Variants in MAPK8IP3 observed in about 807,000 individuals in gnomAD.
MAPK8IP3 encodes C-Jun-amino-terminal kinase-interacting protein 3.
In MAPK8IP3, 49 loss-of-function variants were observed where a neutral mutation model predicts 157.8. The ratio of observed to expected loss-of-function variants is 0.31; its 90% confidence interval spans 0.25 to 0.39. The LOEUF (loss-of-function observed/expected upper bound fraction) is 0.39, where lower values mean the gene tolerates loss of function less well. Ranked by LOEUF, MAPK8IP3 falls within the 10% of genes least tolerant of loss-of-function variation. The probability of loss-of-function intolerance (pLI) is 1.00; values close to 1 mark genes in which losing one functional copy is unlikely to be tolerated. For missense variants in MAPK8IP3, 1,478 were observed against 1,889.4 expected (o/e 0.78, Z 4.04); for synonymous variants, 897 against 777.7 (o/e 1.15, Z -2.55).
Position 1,769,406 on chromosome 16 carries a change from C to A in MAPK8IP3, c.*582C>A, listed in dbSNP as rs908689579. ...GTCAAGCCTCTATCCTGTCTGTCCC[C>A]ACCCCAGCTGTCCCCTGCCCAGGGA... On this transcript the variant is annotated 3_prime_UTR_variant, in exon 32 of 32. Coordinates refer to ENST00000610761, the MANE Select transcript of MAPK8IP3 (RefSeq NM_001318852.2). The A allele has an allele frequency of 6.5e-6, 1 of 154,988 alleles. No individual in the cohort carries two copies. The highest frequency in any genetic ancestry group is 1.9e-4 in the East Asian group (1 of 5,196). The allele number at this position is 154,988 out of a possible 1,614,324, so 9.6% of individuals were successfully genotyped here.
chr16:1,710,300 TAAAGAAAAAAA>T lies in MAPK8IP3; in HGVS notation c.318+3657_318+3667del, dbSNP rs1017668464. On this transcript the variant is annotated intron_variant, in intron 1 of 31. Coordinates refer to ENST00000610761, the MANE Select transcript of MAPK8IP3 (RefSeq NM_001318852.2). This position sits in a 1 kb window ranked among gnomAD's most constrained non-coding sequence, Gnocchi z 4.1. ...GAACCTGGCGAAACCCTGTCTCTAC[TAAAGAAAAAAA>T]AAAGAAAAAAAAATTAGCCAGGTGT... Among the ~76,000 whole-genome samples, 5 of 149,816 alleles carry T rather than the reference TAAAGAAAAAAA, an allele frequency of 3.3e-5. No individual in the cohort carries two copies. The East Asian group carries it at 5.9e-4, about 18-fold the overall frequency.
chr16:1,710,299 CTAAAGAAAAAA>C lies in MAPK8IP3; in HGVS notation c.318+3643_318+3653del, dbSNP rs2037686529. On this transcript the variant is annotated intron_variant, in intron 1 of 31. Transcript: ENST00000610761. This position sits in a 1 kb window ranked among gnomAD's most constrained non-coding sequence, Gnocchi z 4.1. ...CGAACCTGGCGAAACCCTGTCTCTA[CTAAAGAAAAAA>C]AAAAGAAAAAAAAATTAGCCAGGTG... Among the ~76,000 whole-genome samples, 1 of 149,740 alleles carries C rather than the reference CTAAAGAAAAAA, an allele frequency of 6.7e-6. No homozygotes were observed. Among genetic ancestry groups the C allele is most frequent in the South Asian group, 2.1e-4 (1 of 4,730 alleles).
At chr16:1,736,993 T>A (rs1473473085) in intron 4 of MAPK8IP3, among the ~76,000 whole-genome samples, 1 of 76,696 alleles carries the variant, frequency 1.3e-5, no homozygotes, top group Non-Finnish European at 2.5e-5. Flanking sequence ...AGCATCCGTG[T>A]GAGCGTGTGA....
At position 1,751,075 on chromosome 16, in the gene MAPK8IP3, C is replaced by T. The variant is rs867481864; in HGVS notation, c.1216+2355C>T. 3.9e-5 allele frequency among the ~76,000 whole-genome samples: 6 copies of T among 152,340 alleles called. No individual in the cohort carries two copies. The highest frequency in any genetic ancestry group is 1.4e-4 in the African/African-American group (6 of 41,584). ...TTCTCATTGTGGGCGGTGTCATTTCCGTGGGTGGCAGCACTGACGGGCACG... is the reference window on the plus strand; with the variant it reads ...TTCTCATTGTGGGCGGTGTCATTTCTGTGGGTGGCAGCACTGACGGGCACG... On this transcript the variant is annotated intron_variant, in intron 8 of 31. Coordinates refer to ENST00000610761, the MANE Select transcript of MAPK8IP3 (RefSeq NM_001318852.2). This position sits in a 1 kb window ranked among gnomAD's most constrained non-coding sequence, Gnocchi z 5.0.
chr16:1,737,174 G>T (rs2040003407), intron 4 of MAPK8IP3, among the ~76,000 whole-genome samples: 1 of 92,982 alleles, frequency 1.1e-5, no homozygotes, highest in Non-Finnish European at 2.2e-5. Flanking sequence ...GCATCCGTGT[G>T]AGCGTGTGAC....
chr16:1,762,854 C>T lies in MAPK8IP3; in HGVS notation c.1746C>T (p.Ser582=). The part of the protein sequence containing the change: ...TIWQFFSRLF[S]SSSSPPPAKR... The stretch of plus-strand genomic sequence containing the variant: ...CTGGCAGCTTCAGCCGCCTCTTCAG[C>T]TCTTCCTCCAGCCCCCCTCCGGCCA... The change falls in exon 16 of 32, where the codon AGC becomes AGT. Residue 582 remains serine, a synonymous_variant. Transcript: ENST00000610761. The T allele has an allele frequency of 6.2e-7, 1 of 1,612,890 alleles. No individual in the cohort carries two copies. Among genetic ancestry groups the T allele is most frequent in the African/African-American group, 1.3e-5 (1 of 75,054 alleles).
chr16:1,706,294 C>G lies in MAPK8IP3; in HGVS notation c.-46C>G. The G allele has an allele frequency of 6.7e-7, 1 of 1,483,962 alleles. No homozygotes were observed. The highest frequency in any genetic ancestry group is 1.3e-5 in the South Asian group (1 of 76,416). 91.9% of individuals were successfully genotyped at this position (1,483,962 alleles called of 1,614,324 possible). A position where few individuals can be genotyped will look rare whatever the true frequency, so the allele number is the denominator to read the frequency against. On this transcript the variant is annotated 5_prime_UTR_variant, in exon 1 of 32. Transcript: ENST00000610761. This position sits in a 1 kb window ranked among gnomAD's most constrained non-coding sequence, Gnocchi z 5.1. ...CCTGAGGCAGCTGGGGAGGGCCGGG[C>G]GCGCCGGCCGGATAGCGAGCCGCGC... is the stretch of plus-strand genomic sequence containing the variant.
At chr16:1,715,518 C>G (rs1402659347) in intron 1 of MAPK8IP3, among the ~76,000 whole-genome samples, 1 of 152,310 alleles carries the variant, frequency 6.6e-6, no homozygotes, top group East Asian at 1.9e-4. Context: ...CGGCACCTGT[C>G]TGCCTGCTTA....
Position 1,768,161 on chromosome 16 carries a change from G to A in MAPK8IP3, c.3563-38G>A, listed in dbSNP as rs551989738. 33 of 1,611,964 alleles carry A rather than the reference G, an allele frequency of 2.0e-5. No individual in the cohort carries two copies. The South Asian group carries it at 3.2e-4, about 16-fold the overall frequency. On this transcript the variant is annotated intron_variant, in intron 29 of 31. Coordinates refer to ENST00000610761, the MANE Select transcript of MAPK8IP3 (RefSeq NM_001318852.2). ...CGGGAGCCTCTCCCACTCTCCACCT[G>A]TATGCGGGCTCAGCGCCTCTGGGTT...
rs1274925083 is a variant in MAPK8IP3, at chr16:1,724,527, G to A, written c.319-30G>A. On this transcript the variant is annotated intron_variant, in intron 1 of 31. Coordinates refer to ENST00000610761, the MANE Select transcript of MAPK8IP3 (RefSeq NM_001318852.2). The surrounding 1 kb of genome is among the most constrained non-coding windows in gnomAD (Gnocchi z 4.1). ...CGGCTGCTCCACACTCACTCCTGATGACTGCTCTTTCCCTCCCTTCCATGC... is the reference window on the plus strand; with the variant it reads ...CGGCTGCTCCACACTCACTCCTGATAACTGCTCTTTCCCTCCCTTCCATGC... 6.2e-7 allele frequency: 1 copy of A among 1,610,042 alleles called. No individual in the cohort carries two copies. The highest frequency in any genetic ancestry group is 8.5e-7 in the Non-Finnish European group (1 of 1,178,956).
chr16:1,712,849 C>G (rs562035726), intron 1 of MAPK8IP3, among the ~76,000 whole-genome samples: 31 of 152,356 alleles, frequency 2.0e-4, no homozygotes, highest in African/African-American at 7.5e-4. Flanking sequence ...AGAGAAGCCC[C>G]CATCACCCAC....
intron 1 of MAPK8IP3, among the ~76,000 whole-genome samples, chr16:1,709,191 C>T (rs966186037): frequency 7.9e-5 from 12 of 152,240 alleles, no homozygotes; most frequent in Admixed American, 6.5e-5. Context: ...TTCCCATCTT[C>T]TTGCCGGTCA....
Position 1,767,296 on chromosome 16 carries a change from A to G in MAPK8IP3, c.3236A>G (p.Glu1079Gly), listed in dbSNP as rs1311842990. 6.2e-7 allele frequency: 1 copy of G among 1,613,026 alleles called. No homozygotes were observed. Among genetic ancestry groups the G allele is most frequent in the Non-Finnish European group, 8.5e-7 (1 of 1,179,932 alleles). The change falls in exon 26 of 32, where the codon GAG (glutamate) becomes GGG (glycine). Residue 1079 changes from glutamate to glycine, a missense_variant and splice_region_variant. Physicochemically the swap from Glu to Gly is moderately conservative, Grantham distance 98. Coordinates refer to ENST00000610761, the MANE Select transcript of MAPK8IP3 (RefSeq NM_001318852.2). ...ATCCAGCCCAAGACCATGCAGATAGAGGCGAGTGCCGGCCAGGGCCCCGGG... is the reference window on the plus strand; with the variant it reads ...ATCCAGCCCAAGACCATGCAGATAGGGGCGAGTGCCGGCCAGGGCCCCGGG... ...HVIQPKTMQI[E>G]KSFDAHPRRE...
rs143133742 is a variant in MAPK8IP3 at position 1,768,218 on chromosome 16, C to T, written c.3582C>T (p.Thr1194=). Residue 1194 remains threonine, a synonymous_variant, in exon 30 of 32, where the codon ACC becomes ACT. Transcript: ENST00000610761. ...LGLRANKTSP[T]SGEGARPGGI... ...CTGCAGCCAATAAGACATCCCCCAC[C>T]TCTGGGGAGGGCGCCCGTCCCGGGG... 2.4e-5 allele frequency: 39 copies of T among 1,612,490 alleles called. No homozygotes were observed. In the East Asian group the frequency reaches 8.0e-4, roughly 33 times the overall value.
intron 4 of MAPK8IP3, among the ~76,000 whole-genome samples, chr16:1,730,217 C>T (rs1198899919): frequency 3.9e-5 from 6 of 152,060 alleles, no homozygotes; most frequent in East Asian, 1.9e-4. Context: ...TCTACAGTCG[C>T]GCCCCTGCAC....
chr16:1,720,108 A>G (rs894560399), intron 1 of MAPK8IP3, among the ~76,000 whole-genome samples: 11 of 152,196 alleles, frequency 7.2e-5, no homozygotes, highest in African/African-American at 2.7e-4. Context: ...CAATGGCGCA[A>G]TCTTGGCTCA....
At chr16:1,716,309 T>A (rs12596297) in intron 1 of MAPK8IP3, among the ~76,000 whole-genome samples, 1 of 145,572 alleles carries the variant, frequency 6.9e-6, no homozygotes, top group African/African-American at 2.7e-5. Context: ...TCAGGTCATT[T>A]CTTTTTTTTT....
At chr16:1,768,009 G>C (rs980785337) in intron 28 of MAPK8IP3, 60 bp from the exon 29 acceptor site, 3 of 1,610,426 alleles carry the variant, frequency 1.9e-6, no homozygotes, top group Non-Finnish European at 8.5e-7. Flanking sequence ...CTTGGAGGGT[G>C]CCTTGCTGCC....
At position 1,706,483 on chromosome 16, in the gene MAPK8IP3, C is replaced by T. The variant is rs2142247920; in HGVS notation, c.144C>T (p.Asp48=). The T allele has an allele frequency of 6.2e-7, 1 of 1,614,086 alleles. No individual in the cohort carries two copies. The highest frequency in any genetic ancestry group is 2.2e-5 in the East Asian group (1 of 44,850). The stretch of plus-strand genomic sequence containing the variant: ...TCGAGCGCCTCATCCACTGCTACGA[C>T]GAGGAGGTGGTCAAGGAGCTCATGC... ...REFERLIHCY[D]EEVVKELMPL... The change falls in exon 1 of 32, where the codon GAC becomes GAT. Residue 48 remains aspartate, a synonymous_variant. Transcript: ENST00000610761. The surrounding 1 kb of genome is among the most constrained non-coding windows in gnomAD (Gnocchi z 5.1).
Sources: gnomAD v4.1 joint callset for allele counts (sites outside exome capture counted in the v4.1 genomes callset) on GRCh38, gnomAD v4.1.1 for gene constraint, Gnocchi (gnomAD v3.1) non-coding constraint, MANE v1.5 for transcripts, NCBI Gene and HGNC (gene_info 2026-07-23, HGNC 2026-07-21) for gene names.